The following EPC1 variants were observed in gnomAD, a reference collection of about 807,000 sequenced individuals.
EPC1 encodes the protein enhancer of polycomb 1.
In EPC1, 12 loss-of-function variants were observed where a neutral mutation model predicts 98.4. That is an observed-to-expected ratio of 0.12 (90% CI 0.08 to 0.20). The LOEUF is 0.20. EPC1 is among the 10% of genes least tolerant of loss of function. The pLI, the probability that EPC1 is intolerant of heterozygous loss-of-function variation, is 1.00. For missense variants in EPC1, 729 were observed against 990.5 expected, an observed-to-expected ratio of 0.74 and a Z score of 3.54; for synonymous variants, 357 against 363.9, an observed-to-expected ratio of 0.98 and a Z score of 0.21.
chr10:32,285,034 C>A lies in EPC1; in HGVS notation c.1408G>T (p.Ala470Ser). 1 of 1,613,724 alleles carries A rather than the reference C, an allele frequency of 6.2e-7. No individual in the cohort carries two copies. Among genetic ancestry groups the A allele is most frequent in the Non-Finnish European group, 8.5e-7 (1 of 1,179,656 alleles). ...GRGGRVLLDR[A>S]HSDYDSVFHH... is the part of the protein sequence containing the mutation. Reference sequence around the variant, plus strand: ...AACACACTGTCATAGTCTGAATGAGCTCTGTCCAGTAAGACCCTATTAAAA... The same window carrying A: ...AACACACTGTCATAGTCTGAATGAGATCTGTCCAGTAAGACCCTATTAAAA... Residue 470 changes from alanine to serine, a missense_variant, in exon 10 of 14, where the codon GCT becomes TCT. Ala to Ser is a moderately conservative substitution (Grantham distance 99). Coordinates refer to ENST00000319778, the MANE Select transcript of EPC1 (RefSeq NM_001272004.3).
chr10:32,345,155 A>T, intron 1 of EPC1: 1 of 980,376 alleles, frequency 1.0e-6, no homozygotes, highest in Non-Finnish European at 1.2e-6. Context: ...ATCACTTATT[A>T]AAAAATAAAC....
intron 1 of EPC1, among the ~76,000 whole-genome samples, chr10:32,330,376 C>T (rs1230793208): frequency 1.3e-5 from 2 of 152,202 alleles, no homozygotes; most frequent in Non-Finnish European, 2.9e-5. Context: ...ACTGGATTCA[C>T]GGTCAGTCTG....
intron 1 of EPC1, among the ~76,000 whole-genome samples, chr10:32,312,523 G>GC (rs1191016148): frequency 6.6e-6 from 1 of 151,566 alleles, no homozygotes; most frequent in African/African-American, 2.4e-5. Flanking sequence ...TTTTTTCATA[G>GC]CATGTACCAT....
In EPC1 at chr10:32,298,259, G is replaced by A. The variant is rs17230242; in HGVS notation, c.314-4522C>T. On this transcript the variant is annotated intron_variant, in intron 2 of 13. Transcript: ENST00000319778. ...ATAGAGATGGAATGTAAGTGTCTAC[G>A]TAACAAGTGCCATTTATGACTCAAA... 2.2e-3 allele frequency among the ~76,000 whole-genome samples: 338 copies of A among 152,228 alleles called. 4 individuals carry two copies. The highest frequency in any genetic ancestry group is 0.013 in the South Asian group (63 of 4,824).
intron 1 of EPC1, among the ~76,000 whole-genome samples, chr10:32,323,632 GTGACT>G (rs1279057547): frequency 6.6e-6 from 1 of 152,162 alleles, no homozygotes; most frequent in Non-Finnish European, 1.5e-5. Context: ...TTTACTAATT[GTGACT>G]TGACTTTTCT....
At chr10:32,305,980 A>G (rs777950009) in intron 1 of EPC1, 49 bp from the exon 2 acceptor site, 5 of 1,496,364 alleles carry the variant, frequency 3.3e-6, no homozygotes, top group Admixed American at 4.7e-5. Context: ...AAAAAGCAGT[A>G]AACAGATCAT....
intron 1 of EPC1, among the ~76,000 whole-genome samples, chr10:32,376,483 T>C (rs1193500776): frequency 6.6e-6 from 1 of 152,072 alleles, no homozygotes; most frequent in East Asian, 1.9e-4. Flanking sequence ...ATAAATAATC[T>C]ATAATGTCAA....
rs1000182111 is a variant in EPC1 at position 32,345,210 on chromosome 10, A to C, written c.153+1553T>G. ...AAGTTGATACAAGTAAAATAAATTA[A>C]GAGGTAGTGTCTCATGAGACAATGT... On this transcript the variant is annotated intron_variant, in intron 1 of 13. Transcript: ENST00000319778. The C allele has an allele frequency of 1.7e-5, 17 of 985,124 alleles. No homozygotes were observed. The African/African-American group carries it at 3.0e-4, about 17-fold the overall frequency. The allele number at this position is 985,124 out of a possible 1,614,324, so 61.0% of individuals were successfully genotyped here. A position where few individuals can be genotyped will look rare whatever the true frequency, so the allele number is the denominator to read the frequency against.
intron 1 of EPC1, among the ~76,000 whole-genome samples, chr10:32,376,023 A>G (rs1040054695): frequency 2.0e-5 from 3 of 152,048 alleles, no homozygotes; most frequent in Non-Finnish European, 2.9e-5. Context: ...GGTGGATTTT[A>G]AAATGGAGAA....
At chr10:32,348,080 T>TCG (rs1838973257), upstream of EPC1, among the ~76,000 whole-genome samples, 1 of 152,236 alleles carries the variant, frequency 6.6e-6, no homozygotes. Context: ...GACTGCGGCT[T>TCG]CATCATAGCC....
chr10:32,269,214 G>A, intron 13 of EPC1, 79 bp from the exon 14 acceptor site: 1 of 1,274,604 alleles, frequency 7.8e-7, no homozygotes, highest in African/African-American at 1.5e-5. Flanking sequence ...CCAACAAAAA[G>A]TTTATTTTTA....
intron 1 of EPC1, among the ~76,000 whole-genome samples, chr10:32,316,568 C>T (rs1024945822): frequency 2.0e-5 from 3 of 152,086 alleles, no homozygotes; most frequent in Admixed American, 6.5e-5. Flanking sequence ...TAGCTTCGCA[C>T]AAAGTACATC....
At position 32,298,766 on chromosome 10, in the gene EPC1, A is replaced by G. The variant is rs77570564; in HGVS notation, c.314-5029T>C. ...ATCTCAGATATAAGATCTTTCGTAC[A>G]TAAAGTTCTCTGGTTGCTGTTATAG... On this transcript the variant is annotated intron_variant, in intron 2 of 13. Coordinates refer to ENST00000319778, the MANE Select transcript of EPC1 (RefSeq NM_001272004.3). 3.2e-3 allele frequency among the ~76,000 whole-genome samples: 484 copies of G among 152,330 alleles called. 2 individuals are homozygous for G. Among genetic ancestry groups the G allele is most frequent in the Non-Finnish European group, 5.2e-3 (357 of 68,030 alleles).
intron 1 of EPC1, among the ~76,000 whole-genome samples, chr10:32,337,890 A>T (rs1468431886): frequency 1.3e-5 from 2 of 151,976 alleles, no homozygotes; most frequent in South Asian, 4.2e-4. Flanking sequence ...CCATACTTTC[A>T]TCTTCTCAGT....
upstream of EPC1, among the ~76,000 whole-genome samples, chr10:32,348,130 T>G (rs1324676525): frequency 2.0e-5 from 3 of 152,208 alleles, no homozygotes; most frequent in African/African-American, 7.2e-5. Context: ...TGAAAAACTT[T>G]GTAACATTGA....
At chr10:32,309,806 T>C (rs1330005527) in intron 1 of EPC1, among the ~76,000 whole-genome samples, 5 of 150,588 alleles carry the variant, frequency 3.3e-5, no homozygotes, top group African/African-American at 1.2e-4. Context: ...CATTTATTTT[T>C]TTCAAATAAA....
chr10:32,368,873 C>G, intron 1 of EPC1, among the ~76,000 whole-genome samples: 1 of 152,290 alleles, frequency 6.6e-6, no homozygotes, highest in East Asian at 1.9e-4. Context: ...GATGCACAAA[C>G]TCATTGTGTT....
intron 1 of EPC1, among the ~76,000 whole-genome samples, chr10:32,344,096 CTCTT>C (rs1288735080): frequency 6.6e-6 from 1 of 152,214 alleles, no homozygotes; most frequent in Non-Finnish European, 1.5e-5. Context: ...TTAACCCTTC[CTCTT>C]TATTAGAAGT....
rs1312390159 is a variant in EPC1 at position 32,268,128 on chromosome 10, A to G, written c.*935T>C. 6.6e-6 allele frequency: 1 copy of G among 152,212 alleles called. No individual in the cohort carries two copies. Among genetic ancestry groups the G allele is most frequent in the Non-Finnish European group, 1.5e-5 (1 of 68,032 alleles). 9.4% of individuals were successfully genotyped at this position (152,212 alleles called of 1,614,324 possible). A position where few individuals can be genotyped will look rare whatever the true frequency, so the allele number is the denominator to read the frequency against. On this transcript the variant is annotated 3_prime_UTR_variant, in exon 14 of 14. Coordinates refer to ENST00000319778, the MANE Select transcript of EPC1 (RefSeq NM_001272004.3). ...AATGAAGTCTTTTAAACAATTCGACAATAAAAAAGTACAATTTTTTTTGTG... is the reference window on the plus strand; with the variant it reads ...AATGAAGTCTTTTAAACAATTCGACGATAAAAAAGTACAATTTTTTTTGTG...
Sources: allele counts gnomAD v4.1 joint callset (sites outside exome capture counted in the v4.1 genomes callset), GRCh38; gene constraint gnomAD v4.1.1; transcripts MANE v1.5; gene names NCBI Gene and HGNC (gene_info 2026-07-23, HGNC 2026-07-21).